FAM81B: variants seen among roughly 807,000 people sequenced by gnomAD.
FAM81B encodes the protein protein FAM81B.
A neutral mutation model predicts 58.7 loss-of-function variants in FAM81B; 60 were observed. The observed-to-expected ratio is 1.02, with a 90% confidence interval of 0.83 to 1.27. The LOEUF is 1.27. Ranked by LOEUF, FAM81B falls within the 50% of genes most tolerant of loss-of-function variation. The pLI is 0.00. For missense variants in FAM81B, 491 were observed against 522.0 expected (o/e 0.94, Z 0.58); for synonymous variants, 189 against 179.6 (o/e 1.05, Z -0.42).
At chr5:95,411,673 T>A (rs984052433) in intron 3 of FAM81B, among the ~76,000 whole-genome samples, 3 of 152,208 alleles carry the variant, frequency 2.0e-5, no homozygotes, top group African/African-American at 7.2e-5. Flanking sequence ...AAAACTTCAA[T>A]GAGTCACTAC....
At position 95,428,742 on chromosome 5, in the gene FAM81B, A is replaced by G; in HGVS notation, c.786+10A>G. On this transcript the variant is annotated intron_variant, in intron 6 of 9. Transcript: ENST00000283357. ...GAACTTGGACATGAAGGTAATTGAA[A>G]ATAGATGGGACTCATATTACGTGTT... 1 of 1,613,686 alleles carries G rather than the reference A, an allele frequency of 6.2e-7. No homozygotes were observed. Among genetic ancestry groups the G allele is most frequent in the African/African-American group, 1.3e-5 (1 of 75,054 alleles).
At chr5:95,415,363 C>T (rs954771676) in intron 4 of FAM81B, among the ~76,000 whole-genome samples, 1 of 152,200 alleles carries the variant, frequency 6.6e-6, no homozygotes, top group Admixed American at 6.5e-5. Context: ...CCAGCAATTA[C>T]TCCTTTGTGA....
rs139025729 is a variant in FAM81B, at chr5:95,409,991, A to T, written c.294-3956A>T. 7.1e-3 allele frequency among the ~76,000 whole-genome samples: 1,078 copies of T among 152,326 alleles called. 8 individuals are homozygous for T. Among genetic ancestry groups the T allele is most frequent in the African/African-American group, 0.025 (1,030 of 41,566 alleles). Reference sequence around the variant, plus strand: ...CTTCCTCTTTGCTAATAAAAGTCCCAATTTTGTTTAAGGCTACAAACAAAA... The same window carrying T: ...CTTCCTCTTTGCTAATAAAAGTCCCTATTTTGTTTAAGGCTACAAACAAAA... On this transcript the variant is annotated intron_variant, in intron 3 of 9. Coordinates refer to ENST00000283357, the MANE Select transcript of FAM81B (RefSeq NM_152548.3).
At chr5:95,413,861 A>C in intron 3 of FAM81B, 86 bp from the exon 4 acceptor site, 1 of 1,512,228 alleles carries the variant, frequency 6.6e-7, no homozygotes, top group Non-Finnish European at 8.8e-7. Flanking sequence ...ATAAAGGATC[A>C]GAAGTGAGGA....
intron 7 of FAM81B, 145 bp from the exon 8 acceptor site, chr5:95,446,417 G>C: frequency 1.3e-6 from 1 of 747,624 alleles, no homozygotes; most frequent in Non-Finnish European, 2.1e-6. Context: ...TACTTACCTT[G>C]CCTCTGGCAC....
chr5:95,439,132 T>C (rs1235053208), intron 7 of FAM81B, among the ~76,000 whole-genome samples: 4 of 150,150 alleles, frequency 2.7e-5, no homozygotes, highest in Admixed American at 2.7e-4. Context: ...TTATTTCTAG[T>C]TTAGGACTAC....
chr5:95,424,041 A>G (rs747147440), intron 5 of FAM81B: 2 of 1,289,448 alleles, frequency 1.6e-6, no homozygotes, highest in East Asian at 5.5e-5. Flanking sequence ...TATCATTTCT[A>G]TCATCTAGGA....
intron 6 of FAM81B, among the ~76,000 whole-genome samples, chr5:95,434,159 G>C (rs1745009969): frequency 6.6e-6 from 1 of 152,204 alleles, no homozygotes; most frequent in African/African-American, 2.4e-5. Context: ...GGAGGGGCTA[G>C]ACTGGACCCT....
At chr5:95,436,397 G>A (rs901701627) in intron 6 of FAM81B, among the ~76,000 whole-genome samples, 2 of 152,170 alleles carry the variant, frequency 1.3e-5, no homozygotes, top group Non-Finnish European at 2.9e-5. Flanking sequence ...ATCACCTAAT[G>A]TGCACTGAGG....
At chr5:95,424,195 C>G (rs1335649543) in intron 5 of FAM81B, 3 of 1,289,640 alleles carry the variant, frequency 2.3e-6, no homozygotes, top group Non-Finnish European at 3.0e-6. Flanking sequence ...CTGCAGGTAG[C>G]AGAAACATTC....
intron 5 of FAM81B, among the ~76,000 whole-genome samples, chr5:95,420,660 G>A (rs13171379): frequency 0.46 from 69,812 of 152,006 alleles, 16,510 homozygotes; most frequent in African/African-American, 0.54. Context: ...AGCCTCAACC[G>A]TCCAAATGCC....
At chr5:95,402,938 G>A (rs1392155437) in intron 3 of FAM81B, among the ~76,000 whole-genome samples, 2 of 152,214 alleles carry the variant, frequency 1.3e-5, no homozygotes, top group Non-Finnish European at 2.9e-5. Flanking sequence ...TTGGTAAGTG[G>A]TGGAGCCTGT....
rs192365074 is a variant in FAM81B, at chr5:95,397,991, G to C, written c.293+1816G>C. ...AAAGTAATGGTAGAACAATTGAATT[G>C]TTATAGCTTTGCTTAAATCAGCTGA... On this transcript the variant is annotated intron_variant, in intron 3 of 9. Transcript: ENST00000283357. 1.0e-3 allele frequency among the ~76,000 whole-genome samples: 155 copies of C among 152,250 alleles called. 1 individual carries two copies. Among genetic ancestry groups the C allele is most frequent in the Middle Eastern group, 6.8e-3 (2 of 294 alleles).
intron 2 of FAM81B, 38 bp downstream of exon 2, chr5:95,392,935 C>A: frequency 1.3e-6 from 2 of 1,502,204 alleles, no homozygotes; most frequent in Admixed American, 2.1e-5. Flanking sequence ...AAGTAGAATA[C>A]TTTGCTCAGC....
intron 3 of FAM81B, chr5:95,410,815 A>G (rs559087140): frequency 1.2e-4 from 18 of 152,302 alleles, no homozygotes; most frequent in Admixed American, 1.0e-3. Flanking sequence ...AGGCGGCAAC[A>G]TGGAAAACAT....
chr5:95,401,994 T>C (rs1480539832), intron 3 of FAM81B, among the ~76,000 whole-genome samples: 1 of 152,240 alleles, frequency 6.6e-6, no homozygotes, highest in Non-Finnish European at 1.5e-5. Flanking sequence ...GAATTTTTCC[T>C]CCTGTGGTTG....
intron 8 of FAM81B, among the ~76,000 whole-genome samples, chr5:95,447,821 C>T (rs969740556): frequency 6.6e-6 from 1 of 152,206 alleles, no homozygotes; most frequent in African/African-American, 2.4e-5. Flanking sequence ...AGTTCTTGAG[C>T]TCCATCACAG....
At chr5:95,448,009 A>G (rs1745648567) in intron 8 of FAM81B, among the ~76,000 whole-genome samples, 2 of 152,172 alleles carry the variant, frequency 1.3e-5, no homozygotes, top group African/African-American at 4.8e-5. Context: ...TATTAGACTT[A>G]AATGCCAAAT....
At chr5:95,426,570 T>C (rs1762836245) in intron 5 of FAM81B, among the ~76,000 whole-genome samples, 1 of 152,206 alleles carries the variant, frequency 6.6e-6, no homozygotes, top group African/African-American at 2.4e-5. Context: ...AGTAACACTA[T>C]TCAGGACAGC....
Sources: allele counts gnomAD v4.1 joint callset (sites outside exome capture counted in the v4.1 genomes callset), GRCh38; gene constraint gnomAD v4.1.1; transcripts MANE v1.5; gene names NCBI Gene and HGNC (gene_info 2026-07-23, HGNC 2026-07-21).